Variants in NOL4 observed in about 807,000 individuals in gnomAD.
NOL4 encodes nucleolar protein 4, also known as cancer/testis antigen 125.
Under a neutral mutation model 75.9 loss-of-function variants are expected in NOL4, and 17 were observed. The ratio of observed to expected loss-of-function variants is 0.22; its 90% CI spans 0.15 to 0.34. The LOEUF (loss-of-function observed/expected upper bound fraction) is 0.34, where lower values mean the gene tolerates loss of function less well. Among genes scored for constraint, NOL4 ranks in the 10% least tolerant of loss-of-function variants. The pLI, the probability that NOL4 is intolerant of heterozygous loss-of-function variation, is 1.00. For missense variants in NOL4, 614 were observed against 793.5 expected (o/e 0.77, Z 2.72); for synonymous variants, 292 against 289.9 (o/e 1.01, Z -0.07).
intron 6 of NOL4, among the ~76,000 whole-genome samples, chr18:34,005,062 C>T (rs1046608764): frequency 6.6e-6 from 1 of 152,048 alleles, no homozygotes; most frequent in Non-Finnish European, 1.5e-5. Context: ...CCAACTTTAT[C>T]TTATATTTTA....
At chr18:33,881,843 G>A (rs1217414008) in intron 10 of NOL4, among the ~76,000 whole-genome samples, 1 of 151,958 alleles carries the variant, frequency 6.6e-6, no homozygotes, top group African/African-American at 2.4e-5. Context: ...CATGGTACTG[G>A]TACCAAAACA....
chr18:34,220,579 G>A (rs1211836223), intron 1 of NOL4, among the ~76,000 whole-genome samples: 1 of 152,190 alleles, frequency 6.6e-6, no homozygotes, highest in East Asian at 1.9e-4. Context: ...AATTTGAAAT[G>A]TAGGGAAACA....
chr18:33,953,749 G>A (rs923591781), intron 8 of NOL4, among the ~76,000 whole-genome samples: 4 of 152,134 alleles, frequency 2.6e-5, no homozygotes, highest in Admixed American at 6.5e-5. Context: ...CCTAGTGTCC[G>A]ACTGACATTT....
At chr18:33,903,091 C>A (rs2065836895) in intron 9 of NOL4, among the ~76,000 whole-genome samples, 1 of 152,080 alleles carries the variant, frequency 6.6e-6, no homozygotes, top group Admixed American at 6.6e-5. Context: ...GTTTCAGAAT[C>A]TTTTTATAAC....
chr18:33,938,309 T>G (rs2145505817), intron 9 of NOL4, among the ~76,000 whole-genome samples: 1 of 152,186 alleles, frequency 6.6e-6, no homozygotes, highest in South Asian at 2.1e-4. Flanking sequence ...TAAAAGAGTT[T>G]AATTTAAAAA....
intron 1 of NOL4, among the ~76,000 whole-genome samples, chr18:34,168,201 A>C (rs1350433887): frequency 6.6e-6 from 1 of 152,024 alleles, no homozygotes; most frequent in Admixed American, 6.6e-5. Context: ...ACCCAAAAAA[A>C]GATAAAAATT....
chr18:33,933,219 G>A (rs369899695), intron 9 of NOL4, among the ~76,000 whole-genome samples: 7 of 152,166 alleles, frequency 4.6e-5, no homozygotes, highest in East Asian at 1.9e-4. Flanking sequence ...AAACCAATGC[G>A]CTTACCTTAA....
chr18:33,877,813 C>T (rs2064017429), intron 10 of NOL4, among the ~76,000 whole-genome samples: 1 of 146,148 alleles, frequency 6.8e-6, no homozygotes, highest in Non-Finnish European at 1.5e-5. Flanking sequence ...GAATAGGTAC[C>T]AATGTTGTGT....
chr18:33,915,767 A>G (rs1161224334), intron 9 of NOL4, among the ~76,000 whole-genome samples: 1 of 152,192 alleles, frequency 6.6e-6, no homozygotes, highest in East Asian at 1.9e-4. Flanking sequence ...AGAAATTTCA[A>G]TAAATGATAT....
chr18:33,912,706 A>G (rs904945162), intron 9 of NOL4, among the ~76,000 whole-genome samples: 5 of 152,106 alleles, frequency 3.3e-5, no homozygotes, highest in African/African-American at 4.8e-5. Flanking sequence ...GACACAGAGC[A>G]AATGCTCAAT....
At chr18:33,948,472 T>C (rs2068986461) in intron 8 of NOL4, among the ~76,000 whole-genome samples, 1 of 151,982 alleles carries the variant, frequency 6.6e-6, no homozygotes, top group African/African-American at 2.4e-5. Flanking sequence ...GGTGGTTTCA[T>C]TCTTATACAG....
intron 1 of NOL4, among the ~76,000 whole-genome samples, chr18:34,198,628 TG>T (rs2035508756): frequency 6.6e-6 from 1 of 151,886 alleles, no homozygotes; most frequent in African/African-American, 2.4e-5. Flanking sequence ...TGCATATTCT[TG>T]GGAACAATGT....
At chr18:34,087,074 C>T (rs1286537466) in intron 5 of NOL4, among the ~76,000 whole-genome samples, 2 of 152,112 alleles carry the variant, frequency 1.3e-5, no homozygotes, top group East Asian at 3.9e-4. Context: ...CACTCCAGAA[C>T]AGCTAGGTAG....
Position 33,957,813 on chromosome 18 carries a change from C to G in NOL4, c.1237-296G>C, listed in dbSNP as rs533896069. Among the ~76,000 whole-genome samples, 61 of 152,182 alleles carry G rather than the reference C, an allele frequency of 4.0e-4. No homozygotes were observed. In the South Asian group the frequency reaches 0.013, roughly 32 times the overall value. On this transcript the variant is annotated intron_variant, in intron 7 of 10. Coordinates refer to ENST00000261592, the MANE Select transcript of NOL4 (RefSeq NM_003787.5). ...TAACAGAGACTGTGACAATTGAGCACCCCTTTACAATCTCTATTAATGATG... is the reference window on the plus strand; with the variant it reads ...TAACAGAGACTGTGACAATTGAGCAGCCCTTTACAATCTCTATTAATGATG...
At chr18:33,888,715 G>A (rs1381284358) in intron 9 of NOL4, among the ~76,000 whole-genome samples, 1 of 152,084 alleles carries the variant, frequency 6.6e-6, no homozygotes, top group South Asian at 2.1e-4. Context: ...GTTTATCAAA[G>A]ATCAGATGGT....
At chr18:33,877,319 T>C (rs893152176) in intron 10 of NOL4, among the ~76,000 whole-genome samples, 3 of 148,786 alleles carry the variant, frequency 2.0e-5, no homozygotes, top group Non-Finnish European at 3.0e-5. Context: ...ATTAAAAAAA[T>C]CAAATTAAAA....
At chr18:33,939,127 A>G (rs555153889) in intron 9 of NOL4, among the ~76,000 whole-genome samples, 4 of 152,028 alleles carry the variant, frequency 2.6e-5, no homozygotes, top group East Asian at 1.9e-4. Flanking sequence ...CTCTGTTCCA[A>G]TGGTCTATAC....
intron 9 of NOL4, among the ~76,000 whole-genome samples, chr18:33,931,593 G>A (rs979703327): frequency 2.0e-5 from 3 of 151,846 alleles, no homozygotes; most frequent in African/African-American, 7.3e-5. Context: ...AATTAGCCAG[G>A]TGTGATGACA....
At chr18:34,221,897 C>CG in intron 1 of NOL4, 1 of 742,888 alleles carries the variant, frequency 1.3e-6, no homozygotes, top group Admixed American at 2.6e-5. Flanking sequence ...AATACTGCAC[C>CG]GGGAAACAGT....
Sources: allele counts gnomAD v4.1 joint callset (sites outside exome capture counted in the v4.1 genomes callset), GRCh38; gene constraint gnomAD v4.1.1; transcripts MANE v1.5; gene names NCBI Gene and HGNC (gene_info 2026-07-23, HGNC 2026-07-21).